LRFN2: variants seen among roughly 807,000 people sequenced by gnomAD.
LRFN2 encodes the protein leucine rich repeat and fibronectin type III domain containing 2, also known as leucine-rich repeat and fibronectin type-III domain-containing protein 2.
A neutral mutation model predicts 37.3 loss-of-function variants in LRFN2; 18 were observed. The ratio of observed to expected loss-of-function variants is 0.48; its 90% confidence interval spans 0.33 to 0.72. The LOEUF (loss-of-function observed/expected upper bound fraction) is 0.72. LRFN2 is among the 30% of genes least tolerant of loss of function. The pLI, the probability that LRFN2 is intolerant of heterozygous loss-of-function variation, is 0.02. For synonymous variants in LRFN2, 556 were observed against 466.6 expected (o/e 1.19, Z -2.47); for missense variants, 1,006 against 1,060.7 (o/e 0.95, Z 0.72).
chr6:40,401,253 C>T (rs569322239), intron 2 of LRFN2, among the ~76,000 whole-genome samples: 4 of 152,296 alleles, frequency 2.6e-5, no homozygotes, highest in African/African-American at 7.2e-5. Flanking sequence ...AGGCTACACT[C>T]TCCAGGCTCC....
At chr6:40,581,253 C>T (rs1057133398) in intron 1 of LRFN2, among the ~76,000 whole-genome samples, 9 of 152,142 alleles carry the variant, frequency 5.9e-5, no homozygotes, top group African/African-American at 1.7e-4. Flanking sequence ...TAGATGGCTC[C>T]GCAGAGATGT....
intron 1 of LRFN2, among the ~76,000 whole-genome samples, chr6:40,474,087 C>T (rs541470470): frequency 6.8e-4 from 104 of 152,062 alleles, no homozygotes; most frequent in African/African-American, 2.3e-3. Flanking sequence ...CCCACAGGGT[C>T]TAATAGGTAT....
intron 2 of LRFN2, among the ~76,000 whole-genome samples, chr6:40,397,287 T>G (rs1335881144): frequency 1.3e-5 from 2 of 152,204 alleles, no homozygotes; most frequent in Admixed American, 6.5e-5. Context: ...GGCTGGTAGA[T>G]TCTACCTTCT....
intron 1 of LRFN2, among the ~76,000 whole-genome samples, chr6:40,546,172 C>T (rs562261490): frequency 5.3e-5 from 8 of 152,204 alleles, no homozygotes; most frequent in Admixed American, 1.3e-4. Flanking sequence ...TGCATGACAA[C>T]GCACAGTCAG....
chr6:40,559,327 C>A (rs78940830), intron 1 of LRFN2, among the ~76,000 whole-genome samples: 2,361 of 152,276 alleles, frequency 0.016, 60 homozygotes, highest in African/African-American at 0.053. Context: ...CAGTCTATTG[C>A]CGGATGCCAC....
intron 1 of LRFN2, among the ~76,000 whole-genome samples, chr6:40,508,163 T>A (rs1288344498): frequency 6.6e-6 from 1 of 152,192 alleles, no homozygotes; most frequent in African/African-American, 2.4e-5. Flanking sequence ...TTGAATCTGA[T>A]TATTTTTGCA....
intron 1 of LRFN2, among the ~76,000 whole-genome samples, chr6:40,443,840 C>G (rs1040551243): frequency 2.0e-5 from 3 of 152,136 alleles, no homozygotes; most frequent in African/African-American, 7.2e-5. Context: ...AGCCTTCCAC[C>G]CCTAGCCTAA....
chr6:40,477,739 C>T (rs1411487577), intron 1 of LRFN2, among the ~76,000 whole-genome samples: 4 of 152,122 alleles, frequency 2.6e-5, no homozygotes, highest in African/African-American at 7.2e-5. Flanking sequence ...GAAAGAGACC[C>T]CAGCTGGAAG....
chr6:40,538,006 A>G (rs1766483089), intron 1 of LRFN2, among the ~76,000 whole-genome samples: 1 of 152,078 alleles, frequency 6.6e-6, no homozygotes, highest in Non-Finnish European at 1.5e-5. Flanking sequence ...CAGCTTGTTC[A>G]GGTCTGAAGA....
intron 2 of LRFN2, among the ~76,000 whole-genome samples, chr6:40,395,472 T>G (rs1762596725): frequency 1.3e-5 from 2 of 152,216 alleles, no homozygotes; most frequent in Non-Finnish European, 2.9e-5. Context: ...GATGCCAGCC[T>G]GCTAGGCCAT....
chr6:40,512,831 C>G (rs1051360349), intron 1 of LRFN2, among the ~76,000 whole-genome samples: 5 of 152,222 alleles, frequency 3.3e-5, no homozygotes, highest in African/African-American at 1.2e-4. Context: ...AGGAAGAAAT[C>G]AACTCCAGCT....
chr6:40,516,229 C>T (rs939575242), intron 1 of LRFN2: 7 of 152,240 alleles, frequency 4.6e-5, no homozygotes, highest in African/African-American at 1.7e-4. Context: ...TCAGCACAGT[C>T]TAAGCCTCAG....
intron 1 of LRFN2, among the ~76,000 whole-genome samples, chr6:40,577,118 T>A (rs1356601236): frequency 4.3e-5 from 2 of 46,120 alleles, no homozygotes; most frequent in African/African-American, 1.0e-4. Context: ...CTTTTCTTTT[T>A]AGATATGGAG....
At chr6:40,468,335 G>A (rs563548072) in intron 1 of LRFN2, among the ~76,000 whole-genome samples, 2 of 152,106 alleles carry the variant, frequency 1.3e-5, no homozygotes, top group Non-Finnish European at 2.9e-5. Flanking sequence ...CCATCTCTGC[G>A]ATCTGTGTCC....
intron 1 of LRFN2, among the ~76,000 whole-genome samples, chr6:40,560,049 C>T (rs949147706): frequency 1.3e-4 from 20 of 152,340 alleles, no homozygotes; most frequent in Non-Finnish European, 2.1e-4. Context: ...TGCATTGTCT[C>T]GGTTAGCCCT....
At chr6:40,525,160 C>G (rs768809244) in intron 1 of LRFN2, among the ~76,000 whole-genome samples, 1 of 152,192 alleles carries the variant, frequency 6.6e-6, no homozygotes, top group Non-Finnish European at 1.5e-5. Flanking sequence ...TGCTGTCCCC[C>G]TCTGGGGCCA....
chr6:40,422,927 T>G (rs947885706), intron 2 of LRFN2, among the ~76,000 whole-genome samples: 1 of 152,222 alleles, frequency 6.6e-6, no homozygotes, highest in Non-Finnish European at 1.5e-5. Flanking sequence ...AATTACTTTT[T>G]ATCTTTGGAG....
At position 40,392,175 on chromosome 6, in the gene LRFN2, G is replaced by T. The variant is rs1213509135; in HGVS notation, c.2138C>A (p.Pro713Gln). 1.3e-6 allele frequency: 2 copies of T among 1,597,068 alleles called. No homozygotes were observed. Among genetic ancestry groups the T allele is most frequent in the Non-Finnish European group, 1.7e-6 (2 of 1,171,136 alleles). ...AARARSLLPL[P>Q]LEGKAKRSHS... The stretch of plus-strand genomic sequence containing the variant: ...GCTGCGTTTGGCCTTGCCCTCCAAC[G>T]GCAAGGGGAGCAGGCTCCTGGCCCG... The change falls in exon 3 of 3, where the codon CCG (proline) becomes CAG (glutamine). Residue 713 changes from proline to glutamine, a missense_variant. Pro to Gln is a moderately conservative substitution (Grantham distance 76). This residue lies in a region of LRFN2 where 398 missense variants were observed against 327.6 expected (regional missense o/e 1.21). Transcript: ENST00000338305. This position sits in a 1 kb window ranked among gnomAD's most constrained non-coding sequence, Gnocchi z 4.7.
chr6:40,462,530 G>T (rs1251165970), intron 1 of LRFN2, among the ~76,000 whole-genome samples: 1 of 151,996 alleles, frequency 6.6e-6, no homozygotes, highest in Non-Finnish European at 1.5e-5. Context: ...CTCATTCCAA[G>T]AATTTTTACT....
Sources: gnomAD v4.1 joint callset for allele counts (sites outside exome capture counted in the v4.1 genomes callset) on GRCh38, gnomAD v4.1.1 for gene constraint, gnomAD v4.1.1 regional missense constraint, Gnocchi (gnomAD v3.1) non-coding constraint, MANE v1.5 for transcripts, NCBI Gene and HGNC (gene_info 2026-07-23, HGNC 2026-07-21) for gene names.